The following HPSE2 variants were observed in gnomAD, a reference collection of about 807,000 sequenced individuals.
The protein encoded by HPSE2 is heparanase 2 (inactive).
HPSE2 carries 38 observed loss-of-function variants against 60.5 expected under a neutral mutation model. The observed-to-expected ratio is 0.63, with a 90% CI of 0.48 to 0.82. The LOEUF is 0.82. Among genes scored for constraint, HPSE2 ranks in the 40% least tolerant of loss-of-function variants. The pLI is 0.00. For synonymous variants in HPSE2, 295 were observed against 293.2 expected (o/e 1.01, Z -0.06); for missense variants, 713 against 740.4 (o/e 0.96, Z 0.43).
chr10:98,696,076 A>G (rs1001487530), intron 5 of HPSE2, among the ~76,000 whole-genome samples: 3 of 152,176 alleles, frequency 2.0e-5, no homozygotes, highest in Non-Finnish European at 2.9e-5. Context: ...AGAGGAAGAG[A>G]TGAAATTTTG....
chr10:98,600,109 T>A (rs1945355644), intron 9 of HPSE2, among the ~76,000 whole-genome samples: 1 of 152,194 alleles, frequency 6.6e-6, no homozygotes, highest in African/African-American at 2.4e-5. Flanking sequence ...AATAATTTTT[T>A]AGTGTACGTT....
At chr10:98,886,235 G>A (rs1953161602) in intron 3 of HPSE2, among the ~76,000 whole-genome samples, 1 of 152,004 alleles carries the variant, frequency 6.6e-6, no homozygotes, top group Admixed American at 6.6e-5. Flanking sequence ...AAACAAGTGT[G>A]CAGAGGAAAT....
chr10:98,517,016 A>C (rs1402055041), intron 9 of HPSE2, among the ~76,000 whole-genome samples: 1 of 152,172 alleles, frequency 6.6e-6, no homozygotes, highest in East Asian at 1.9e-4. Context: ...TGACTCTCTG[A>C]GTGGTTCTTA....
At chr10:99,193,949 A>G (rs919525478) in intron 2 of HPSE2, among the ~76,000 whole-genome samples, 14 of 152,104 alleles carry the variant, frequency 9.2e-5, no homozygotes, top group Non-Finnish European at 1.9e-4. Context: ...GATCTAATGA[A>G]TATTTCATCC....
At chr10:99,313,202 C>G in the HPSE2 span, among the ~76,000 whole-genome samples, 6 of 152,138 alleles carry the variant, frequency 3.9e-5, no homozygotes, top group Admixed American at 2.0e-4. Context: ...CAGACTAATA[C>G]AAGATGCCAT....
the HPSE2 span, among the ~76,000 whole-genome samples, chr10:99,268,645 C>CAA: frequency 8.4e-4 from 48 of 57,344 alleles, no homozygotes; most frequent in African/African-American, 2.3e-3. Context: ...GACTCTGTCT[C>CAA]AAAAAAAAAA....
intron 2 of HPSE2, among the ~76,000 whole-genome samples, chr10:99,214,641 T>C (rs973764202): frequency 1.3e-5 from 2 of 152,016 alleles, no homozygotes; most frequent in African/African-American, 4.8e-5. Flanking sequence ...GAAACTATCA[T>C]CAGGGTGAAC....
intron 3 of HPSE2, among the ~76,000 whole-genome samples, chr10:99,097,241 T>C (rs1205399845): frequency 6.6e-6 from 1 of 152,186 alleles, no homozygotes; most frequent in Non-Finnish European, 1.5e-5. Context: ...TCACTGCCCT[T>C]ACATCTACTA....
chr10:98,767,236 A>G (rs1001714893), intron 3 of HPSE2, among the ~76,000 whole-genome samples: 24 of 152,170 alleles, frequency 1.6e-4, no homozygotes, highest in African/African-American at 5.8e-4. Flanking sequence ...CTGAAAGGCT[A>G]TTTGCAATAA....
intron 9 of HPSE2, among the ~76,000 whole-genome samples, chr10:98,597,123 A>T (rs939737838): frequency 4.6e-5 from 7 of 152,076 alleles, no homozygotes; most frequent in Non-Finnish European, 5.9e-5. Flanking sequence ...AGCATGGGGG[A>T]AACTGCCCCC....
chr10:98,648,307 A>C (rs1946828086), intron 6 of HPSE2, among the ~76,000 whole-genome samples: 1 of 152,142 alleles, frequency 6.6e-6, no homozygotes, highest in Non-Finnish European at 1.5e-5. Context: ...GAAAGGAAAG[A>C]GGTAGGGAAA....
At chr10:99,293,800 T>C in the HPSE2 span, among the ~76,000 whole-genome samples, 3 of 152,184 alleles carry the variant, frequency 2.0e-5, no homozygotes, top group African/African-American at 4.8e-5. Flanking sequence ...TATAGTCAAT[T>C]ACAAGAGACA....
At position 98,935,316 on chromosome 10, in the gene HPSE2, C is replaced by T. The variant is rs1954757912; in HGVS notation, c.611-191260G>A. On this transcript the variant is annotated intron_variant, in intron 3 of 11. Coordinates refer to ENST00000370552, the MANE Select transcript of HPSE2 (RefSeq NM_021828.5). ...CATCCATCTCAGCTTTAGCCCCATT[C>T]TGTGTCCTTGCTGGAGACGAGTTAC... Among the ~76,000 whole-genome samples the T allele has an allele frequency of 1.4e-5, 2 of 143,154 alleles. 1 individual carries two copies. The highest frequency in any genetic ancestry group is 5.7e-5 in the African/African-American group (2 of 34,942). 93.9% of individuals were successfully genotyped at this position (143,154 alleles called of 152,430 possible). A position where few individuals can be genotyped will look rare whatever the true frequency, so the allele number is the denominator to read the frequency against.
chr10:98,823,123 G>C (rs533863473), intron 3 of HPSE2, among the ~76,000 whole-genome samples: 7 of 152,160 alleles, frequency 4.6e-5, no homozygotes, highest in Non-Finnish European at 7.4e-5. Context: ...AGAAGCCAAA[G>C]AATGTAGGCA....
chr10:98,987,950 C>T lies in HPSE2; in HGVS notation c.610+156288G>A, dbSNP rs187759258. On this transcript the variant is annotated intron_variant, in intron 3 of 11. Transcript: ENST00000370552. ...TCCAACTTACAAGGGATGTGAAGCA[C>T]CTCTTCAAGGAGAACTACAAACCAC... Among the ~76,000 whole-genome samples the T allele has an allele frequency of 7.5e-3, 1,149 of 152,228 alleles. 8 individuals are homozygous for T. Among genetic ancestry groups the T allele is most frequent in the African/African-American group, 0.027 (1,105 of 41,516 alleles).
chr10:99,129,010 G>A (rs570515588), intron 3 of HPSE2, among the ~76,000 whole-genome samples: 12 of 151,962 alleles, frequency 7.9e-5, no homozygotes, highest in South Asian at 6.2e-4. Context: ...CTCTTATATC[G>A]GAAAAAACAG....
chr10:98,668,228 A>T (rs913327817), intron 6 of HPSE2, among the ~76,000 whole-genome samples: 2 of 152,188 alleles, frequency 1.3e-5, no homozygotes, highest in South Asian at 2.1e-4. Context: ...ATACATCTAT[A>T]AGAGGAATTA....
In HPSE2 at chr10:98,837,108, AC is replaced by A. The variant is rs201806907; in HGVS notation, c.611-93053del. ...TATAATCTTTAATCACATGTAAAAA[AC>A]ATCTTCATAGCAATACCTAGATTGG... On this transcript the variant is annotated intron_variant, in intron 3 of 11. Coordinates refer to ENST00000370552, the MANE Select transcript of HPSE2 (RefSeq NM_021828.5). Among the ~76,000 whole-genome samples, 380 of 152,274 alleles carry A rather than the reference AC, an allele frequency of 2.5e-3. 1 individual carries two copies. The East Asian group carries it at 0.026, about 11-fold the overall frequency.
At chr10:98,657,229 C>T in intron 6 of HPSE2, among the ~76,000 whole-genome samples, 1 of 144,996 alleles carries the variant, frequency 6.9e-6, no homozygotes. Context: ...AAAAAGCATT[C>T]AATAATTCCC....
Sources: gnomAD v4.1 joint callset for allele counts (sites outside exome capture counted in the v4.1 genomes callset) on GRCh38, gnomAD v4.1.1 for gene constraint, MANE v1.5 for transcripts, NCBI Gene and HGNC (gene_info 2026-07-23, HGNC 2026-07-21) for gene names.